The following VWF variants were observed in gnomAD, a reference collection of about 807,000 sequenced individuals.
The protein encoded by VWF is von Willebrand factor, also known as Factor VIII related antigen.
In VWF, 176 loss-of-function variants were observed where a neutral mutation model predicts 308.6. The observed-to-expected ratio is 0.57, with a 90% confidence interval of 0.50 to 0.65. The LOEUF (loss-of-function observed/expected upper bound fraction) is 0.65, where lower values mean the gene tolerates loss of function less well. Ranked by LOEUF, VWF falls within the 30% of genes least tolerant of loss-of-function variation. The pLI, the probability that VWF is intolerant of heterozygous loss-of-function variation, is 0.00. For missense variants in VWF, 3,146 were observed against 3,648.2 expected (o/e 0.86, Z 3.55); for synonymous variants, 1,385 against 1,443.4 (o/e 0.96, Z 0.92).
intron 18 of VWF, among the ~76,000 whole-genome samples, chr12:6,042,573 A>T (rs752544920): frequency 6.6e-6 from 1 of 152,208 alleles, no homozygotes; most frequent in South Asian, 2.1e-4. Flanking sequence ...AAAATAACCG[A>T]ATCTCTTACA....
chr12:5,973,988 C>T (rs1006092054), intron 43 of VWF, among the ~76,000 whole-genome samples: 4 of 152,172 alleles, frequency 2.6e-5, no homozygotes, highest in Admixed American at 2.6e-4. Flanking sequence ...GCCACCATTC[C>T]TCTGACACGA....
chr12:5,995,337 A>AT (rs1943797060), intron 35 of VWF, among the ~76,000 whole-genome samples: 1 of 152,106 alleles, frequency 6.6e-6, no homozygotes, highest in Non-Finnish European at 1.5e-5. Context: ...TATCATTTTG[A>AT]TTTTTTAATT....
intron 27 of VWF, chr12:6,021,074 GTGCATGAGTGACA>G (rs1944124165): frequency 6.6e-6 from 1 of 152,260 alleles, no homozygotes; most frequent in Non-Finnish European, 1.5e-5. Flanking sequence ...TTGGTTAACA[GTGCATGAGTGACA>G]TACTTTCTAG....
chr12:6,006,841 G>A (rs909677964), intron 34 of VWF, among the ~76,000 whole-genome samples: 7 of 152,152 alleles, frequency 4.6e-5, no homozygotes, highest in African/African-American at 1.7e-4. Context: ...CTGTCTACAA[G>A]AGAGAGACTC....
chr12:6,112,129 G>A (rs1331158622), intron 3 of VWF, among the ~76,000 whole-genome samples: 1 of 152,070 alleles, frequency 6.6e-6, no homozygotes, highest in Non-Finnish European at 1.5e-5. Flanking sequence ...GCCTTACACA[G>A]CACATGGAAT....
chr12:6,076,200 T>C (rs1944842441), intron 6 of VWF, among the ~76,000 whole-genome samples: 1 of 152,240 alleles, frequency 6.6e-6, no homozygotes. Flanking sequence ...TTCTTGGTTC[T>C]ACCACTTTGC....
intron 6 of VWF, among the ~76,000 whole-genome samples, chr12:6,092,616 AGAGTGTGTGTGTGTGT>A (rs1266937620): frequency 1.2e-4 from 12 of 96,622 alleles, no homozygotes; most frequent in Admixed American, 7.6e-4. Flanking sequence ...TGAGTGAGTG[AGAGTGTGTGTGTGTGT>A]GTGTGTGTGT....
At chr12:6,120,325 G>GTTGT (rs1453326303) in intron 3 of VWF, among the ~76,000 whole-genome samples, 2 of 151,498 alleles carry the variant, frequency 1.3e-5, no homozygotes, top group Admixed American at 1.3e-4. Context: ...TTTTTTGTGG[G>GTTGT]TTGTTTTTTT....
intron 45 of VWF, among the ~76,000 whole-genome samples, chr12:5,968,714 G>C (rs1943434667): frequency 1.3e-5 from 2 of 152,220 alleles, no homozygotes; most frequent in Non-Finnish European, 2.9e-5. Flanking sequence ...AAAAGTGCTT[G>C]AACCCAGGAG....
intron 44 of VWF, 140 bp from the exon 45 acceptor site, chr12:5,969,531 GC>G: frequency 1.0e-6 from 1 of 981,464 alleles, no homozygotes; most frequent in Non-Finnish European, 1.5e-6. Context: ...ACAGGGTAGG[GC>G]CCACGGAGGG....
chr12:6,070,759 C>T (rs1182625612), intron 10 of VWF, among the ~76,000 whole-genome samples: 3 of 152,180 alleles, frequency 2.0e-5, no homozygotes, highest in Admixed American at 6.5e-5. Flanking sequence ...AAGCAAATGG[C>T]AGAGATTGCT....
chr12:5,995,492 T>G (rs575106244), intron 35 of VWF, among the ~76,000 whole-genome samples: 1 of 152,296 alleles, frequency 6.6e-6, no homozygotes, highest in Admixed American at 6.5e-5. Flanking sequence ...CACGAACAAG[T>G]AAAGAAGTTG....
chr12:6,040,735 G>T (rs564316588), intron 18 of VWF, among the ~76,000 whole-genome samples: 1 of 152,312 alleles, frequency 6.6e-6, no homozygotes, highest in Admixed American at 6.5e-5. Flanking sequence ...TCATTCCCAT[G>T]CCAGGAGACC....
chr12:6,103,790 G>A (rs983704989), intron 5 of VWF, among the ~76,000 whole-genome samples: 3 of 152,056 alleles, frequency 2.0e-5, no homozygotes, highest in African/African-American at 7.2e-5. Context: ...AGACTTGAAT[G>A]TAAGGTCTGA....
At chr12:5,949,301 A>G (rs1170275475) in intron 51 of VWF, 98 bp from the exon 52 acceptor site, 3 of 1,306,406 alleles carry the variant, frequency 2.3e-6, no homozygotes, top group Non-Finnish European at 3.2e-6. Context: ...GACCCCCTCC[A>G]AGCAAGGCAG....
In VWF at chr12:6,068,817, C is replaced by CT. The variant is rs748547870; in HGVS notation, c.1156+2479dup. 3.1e-3 allele frequency among the ~76,000 whole-genome samples: 349 copies of CT among 113,296 alleles called. 6 individuals carry two copies. The highest frequency in any genetic ancestry group is 8.5e-3 in the East Asian group (36 of 4,230). The allele number at this position is 113,296 out of a possible 152,430, so 74.3% of individuals were successfully genotyped here. On this transcript the variant is annotated intron_variant, in intron 10 of 51. Transcript: ENST00000261405. ...GATGCATTTTTTTTTCTTTTTCTTCCTTTTTTTTTTTTTTTTGCGTGTGTG... is the reference window on the plus strand; with the variant it reads ...GATGCATTTTTTTTTCTTTTTCTTCCTTTTTTTTTTTTTTTTTGCGTGTGTG...
chr12:6,083,102 C>A (rs1379890417), intron 6 of VWF, among the ~76,000 whole-genome samples: 1 of 152,190 alleles, frequency 6.6e-6, no homozygotes, highest in African/African-American at 2.4e-5. Context: ...CTCTGCCTCT[C>A]GCAACCCATC....
intron 24 of VWF, 140 bp downstream of exon 24, chr12:6,025,440 A>G (rs1944179250): frequency 4.0e-6 from 3 of 747,848 alleles, no homozygotes; most frequent in Admixed American, 4.1e-5. Context: ...AAAGCCAAGA[A>G]AAAAAGCCGA....
intron 43 of VWF, among the ~76,000 whole-genome samples, chr12:5,975,099 G>A (rs950600424): frequency 8.5e-5 from 13 of 152,202 alleles, no homozygotes; most frequent in African/African-American, 3.1e-4. Context: ...GGATACCACA[G>A]CGTCATCCTC....
Sources: allele counts gnomAD v4.1 joint callset (sites outside exome capture counted in the v4.1 genomes callset), GRCh38; gene constraint gnomAD v4.1.1; transcripts MANE v1.5; gene names NCBI Gene and HGNC (gene_info 2026-07-23, HGNC 2026-07-21).